RBPJ: variants seen among roughly 807,000 people sequenced by gnomAD.
The protein encoded by RBPJ is recombination signal binding protein for immunoglobulin kappa J region, also known as recombining binding protein suppressor of hairless.
A neutral mutation model predicts 67.8 loss-of-function variants in RBPJ; 9 were observed. The ratio of observed to expected loss-of-function variants is 0.13; its 90% CI spans 0.08 to 0.23. RBPJ has a LOEUF of 0.23. Among genes scored for constraint, RBPJ ranks in the 10% least tolerant of loss-of-function variants. The pLI is 1.00. For synonymous variants in RBPJ, 198 were observed against 203.3 expected (o/e 0.97, Z 0.22); for missense variants, 305 against 595.6 (o/e 0.51, Z 5.08).
At position 26,343,953 on chromosome 4, in the gene RBPJ, G is replaced by A. The variant is rs533563324; in HGVS notation, c.20+22905G>A. 1.1e-4 allele frequency among the ~76,000 whole-genome samples: 17 copies of A among 151,966 alleles called. No homozygotes were observed. In the South Asian group the frequency reaches 3.3e-3, roughly 30 times the overall value. ...TTTAGTAGGGAGAGGGTTTCACCAT[G>A]TTGGCCAGGCTGGTCTTGAATTCCT... On this transcript the variant is annotated intron_variant, in intron 1 of 10. Coordinates refer to ENST00000355476, the MANE Select transcript of RBPJ (RefSeq NM_015874.6).
rs554712517 is a variant in RBPJ, at chr4:26,329,791, G to A, written c.20+8743G>A. Among the ~76,000 whole-genome samples the A allele has an allele frequency of 6.6e-5, 10 of 152,184 alleles. No individual in the cohort carries two copies. In the South Asian group the frequency reaches 2.1e-3, roughly 32 times the overall value. On this transcript the variant is annotated intron_variant, in intron 1 of 10. Coordinates refer to ENST00000355476, the MANE Select transcript of RBPJ (RefSeq NM_015874.6). ...CGCCTGTAGTCACAGCTACTTGGGA[G>A]GCTGAGGCAGGAGAATGGCATGAAC... is the stretch of plus-strand genomic sequence containing the variant.
intron 1 of RBPJ, among the ~76,000 whole-genome samples, chr4:26,231,470 G>A (rs891280829): frequency 1.3e-5 from 2 of 151,142 alleles, no homozygotes; most frequent in African/African-American, 4.9e-5. Flanking sequence ...GGAGTGCAGT[G>A]GCAAGATCTC....
intron 1 of RBPJ, among the ~76,000 whole-genome samples, chr4:26,248,919 C>T (rs1720009842): frequency 6.6e-6 from 1 of 152,110 alleles, no homozygotes; most frequent in African/African-American, 2.4e-5. Context: ...ATGCAGAAGC[C>T]AAAGAGGGAA....
intron 2 of RBPJ, among the ~76,000 whole-genome samples, chr4:26,402,695 C>T (rs943493937): frequency 6.6e-6 from 1 of 152,290 alleles, no homozygotes; most frequent in Non-Finnish European, 1.5e-5. Flanking sequence ...TTCTCAGTTT[C>T]CTTTAATACA....
intron 1 of RBPJ, among the ~76,000 whole-genome samples, chr4:26,290,429 A>T (rs1208526130): frequency 6.6e-6 from 1 of 150,390 alleles, no homozygotes; most frequent in Non-Finnish European, 1.5e-5. Flanking sequence ...GCCAATATGC[A>T]TTCTTGTCCC....
At chr4:26,370,387 A>G (rs73810214) in intron 1 of RBPJ, among the ~76,000 whole-genome samples, 3 of 152,336 alleles carry the variant, frequency 2.0e-5, no homozygotes, top group African/African-American at 4.8e-5. Context: ...CATTATGTTT[A>G]ATAATGTCAT....
intron 1 of RBPJ, among the ~76,000 whole-genome samples, chr4:26,299,880 G>A (rs1722020141): frequency 6.6e-6 from 1 of 151,618 alleles, no homozygotes; most frequent in Admixed American, 6.6e-5. Flanking sequence ...TAGTAGAGAC[G>A]GAGATTCACC....
intron 1 of RBPJ, among the ~76,000 whole-genome samples, chr4:26,236,413 G>A (rs1719453911): frequency 6.6e-6 from 1 of 152,192 alleles, no homozygotes; most frequent in African/African-American, 2.4e-5. Flanking sequence ...AGGTTGGGTA[G>A]TTTTCATTCA....
intron 1 of RBPJ, among the ~76,000 whole-genome samples, chr4:26,235,235 A>C (rs1280624802): frequency 6.6e-6 from 1 of 152,216 alleles, no homozygotes; most frequent in Admixed American, 6.5e-5. Flanking sequence ...GAAAAAGTTT[A>C]TTGGAAGAAG....
chr4:26,336,728 G>A (rs182087208), intron 1 of RBPJ, among the ~76,000 whole-genome samples: 5 of 151,846 alleles, frequency 3.3e-5, no homozygotes, highest in African/African-American at 1.2e-4. Flanking sequence ...AAGGATATGG[G>A]TAGGTTTTTC....
chr4:26,224,661 A>G (rs577238749), intron 1 of RBPJ, among the ~76,000 whole-genome samples: 27 of 152,154 alleles, frequency 1.8e-4, no homozygotes, highest in East Asian at 1.4e-3. Context: ...CCCTGCCCAG[A>G]ACAGAACATT....
At chr4:26,212,642 G>C (rs1347375013) in intron 1 of RBPJ, among the ~76,000 whole-genome samples, 1 of 151,704 alleles carries the variant, frequency 6.6e-6, no homozygotes, top group Non-Finnish European at 1.5e-5. Context: ...GAAATTCTCT[G>C]ACCTACCTTG....
chr4:26,430,349 G>C lies in RBPJ; in HGVS notation c.1045-70G>C. The C allele has an allele frequency of 1.6e-6, 2 of 1,257,812 alleles. No homozygotes were observed. Among genetic ancestry groups the C allele is most frequent in the East Asian group, 2.3e-5 (1 of 43,028 alleles). 77.9% of individuals were successfully genotyped at this position (1,257,812 alleles called of 1,614,324 possible). On this transcript the variant is annotated intron_variant, in intron 9 of 10. Transcript: ENST00000355476. The surrounding 1 kb of genome is among the most constrained non-coding windows in gnomAD (Gnocchi z 4.1). Reference sequence around the variant, plus strand: ...AAAAAAACAAATGAAAGTTGAATGAGAATCTAATTTGTGTACTTTAATGAA... The same window carrying C: ...AAAAAAACAAATGAAAGTTGAATGACAATCTAATTTGTGTACTTTAATGAA...
intron 1 of RBPJ, among the ~76,000 whole-genome samples, chr4:26,188,241 A>T (rs1473492503): frequency 1.3e-5 from 2 of 152,056 alleles, no homozygotes; most frequent in Non-Finnish European, 2.9e-5. Context: ...ACACGTAAAA[A>T]AGTAGATGAG....
chr4:26,410,128 C>G (rs190354045), intron 3 of RBPJ: 5 of 435,750 alleles, frequency 1.1e-5, no homozygotes, highest in Admixed American at 5.3e-5. Flanking sequence ...GTTCTGGGCT[C>G]TTACTTGGTG....
chr4:26,140,866 T>TAAATAAA, the RBPJ span, among the ~76,000 whole-genome samples: 1 of 151,420 alleles, frequency 6.6e-6, no homozygotes, highest in South Asian at 2.1e-4. Context: ...AATAAATAAA[T>TAAATAAA]AAAATATTTG....
upstream of RBPJ, among the ~76,000 whole-genome samples, chr4:26,318,032 G>C (rs1341932096): frequency 6.6e-6 from 1 of 152,082 alleles, no homozygotes; most frequent in Non-Finnish European, 1.5e-5. Context: ...GAGCTATCCT[G>C]TTCCAAGCCA....
chr4:26,299,121 G>A (rs1002438890), intron 1 of RBPJ, among the ~76,000 whole-genome samples: 4 of 152,106 alleles, frequency 2.6e-5, no homozygotes, highest in Admixed American at 2.0e-4. Flanking sequence ...AAAAATAAAG[G>A]AGTTGGGGTC....
At chr4:26,224,410 A>G (rs1719016275) in intron 1 of RBPJ, among the ~76,000 whole-genome samples, 1 of 152,162 alleles carries the variant, frequency 6.6e-6, no homozygotes, top group Non-Finnish European at 1.5e-5. Flanking sequence ...TTTGTATTGT[A>G]TTTTTAGTAG....
Sources: gnomAD v4.1 joint callset for allele counts (sites outside exome capture counted in the v4.1 genomes callset) on GRCh38, gnomAD v4.1.1 for gene constraint, Gnocchi (gnomAD v3.1) non-coding constraint, MANE v1.5 for transcripts, NCBI Gene and HGNC (gene_info 2026-07-23, HGNC 2026-07-21) for gene names.